KIF6: variants seen among roughly 807,000 people sequenced by gnomAD.
KIF6 encodes kinesin family member 6, also known as kinesin-like protein KIF6.
In KIF6, 106 loss-of-function variants were observed where a neutral mutation model predicts 112.7. The observed-to-expected ratio is 0.94, with a 90% CI of 0.80 to 1.11. The LOEUF is 1.11. Ranked by LOEUF, KIF6 falls within the 50% of genes least tolerant of loss-of-function variation. The pLI is 0.00. For synonymous variants in KIF6, 339 were observed against 339.9 expected (o/e 1.00, Z 0.03); for missense variants, 929 against 964.0 (o/e 0.96, Z 0.48).
At chr6:39,478,480 AT>A (rs1774581799) in intron 13 of KIF6, among the ~76,000 whole-genome samples, 1 of 152,198 alleles carries the variant, frequency 6.6e-6, no homozygotes, top group South Asian at 2.1e-4. Flanking sequence ...GCAATTGCAA[AT>A]TGTGCTGCTA....
At chr6:39,606,399 T>C (rs536542587) in intron 6 of KIF6, among the ~76,000 whole-genome samples, 1 of 152,126 alleles carries the variant, frequency 6.6e-6, no homozygotes, top group Non-Finnish European at 1.5e-5. Flanking sequence ...TTCAGATGTA[T>C]GTTCCTTAGC....
chr6:39,385,418 G>A (rs1767328741), intron 16 of KIF6, among the ~76,000 whole-genome samples: 1 of 152,138 alleles, frequency 6.6e-6, no homozygotes, highest in Admixed American at 6.6e-5. Flanking sequence ...GGGTGCTGAT[G>A]GCCAGGCGCA....
chr6:39,425,123 G>A (rs1770670699), intron 14 of KIF6, among the ~76,000 whole-genome samples: 3 of 152,274 alleles, frequency 2.0e-5, no homozygotes, highest in East Asian at 1.9e-4. Flanking sequence ...GCTGGTGTTC[G>A]TTCAGCAGCC....
intron 13 of KIF6, among the ~76,000 whole-genome samples, chr6:39,434,160 G>A (rs2150385903): frequency 6.6e-6 from 1 of 152,210 alleles, no homozygotes; most frequent in South Asian, 2.1e-4. Flanking sequence ...CTCTCAAGAA[G>A]TATTTATTTA....
At chr6:39,640,788 C>T (rs1480979612) in intron 3 of KIF6, among the ~76,000 whole-genome samples, 2 of 152,088 alleles carry the variant, frequency 1.3e-5, no homozygotes, top group African/African-American at 4.8e-5. Flanking sequence ...CTTATGACCA[C>T]CTTATGCAAC....
chr6:39,533,090 G>C (rs1471055898), intron 13 of KIF6, among the ~76,000 whole-genome samples: 1 of 152,254 alleles, frequency 6.6e-6, no homozygotes, highest in Non-Finnish European at 1.5e-5. Flanking sequence ...CGACGCAGAA[G>C]ACGGGTGATT....
chr6:39,404,743 T>C (rs1258803687), intron 15 of KIF6, among the ~76,000 whole-genome samples: 1 of 152,188 alleles, frequency 6.6e-6, no homozygotes. Flanking sequence ...GCATTACATT[T>C]AAAGGTCAGT....
At chr6:39,653,548 T>G (rs1006963943) in intron 3 of KIF6, among the ~76,000 whole-genome samples, 1 of 152,208 alleles carries the variant, frequency 6.6e-6, no homozygotes, top group Non-Finnish European at 1.5e-5. Context: ...TTCCTCAATT[T>G]CCTTTGATGC....
intron 5 of KIF6, among the ~76,000 whole-genome samples, chr6:39,622,221 C>G (rs1426435185): frequency 2.0e-5 from 3 of 150,546 alleles, no homozygotes; most frequent in African/African-American, 7.3e-5. Context: ...GTTTTTTAAC[C>G]GTTATATTGT....
chr6:39,471,216 T>A (rs574464065), intron 13 of KIF6, among the ~76,000 whole-genome samples: 1 of 152,188 alleles, frequency 6.6e-6, no homozygotes, highest in South Asian at 2.1e-4. Flanking sequence ...CTCTAGCACA[T>A]GGGCCCACCT....
chr6:39,697,168 G>A (rs180686950), intron 3 of KIF6, among the ~76,000 whole-genome samples: 52 of 152,184 alleles, frequency 3.4e-4, no homozygotes, highest in African/African-American at 1.2e-3. Context: ...GTCCTTTGGT[G>A]AAACCTCTCC....
chr6:39,635,350 C>T (rs555226214), intron 4 of KIF6, among the ~76,000 whole-genome samples: 5 of 152,092 alleles, frequency 3.3e-5, no homozygotes, highest in Non-Finnish European at 5.9e-5. Context: ...AAAAAGAACA[C>T]AGATCATTAC....
At chr6:39,721,431 A>C (rs975879896) in intron 1 of KIF6, among the ~76,000 whole-genome samples, 1 of 152,170 alleles carries the variant, frequency 6.6e-6, no homozygotes, top group Non-Finnish European at 1.5e-5. Context: ...CCTGGGAGAA[A>C]TCCTTAAGCC....
intron 14 of KIF6, among the ~76,000 whole-genome samples, chr6:39,429,806 G>T (rs1039507377): frequency 9.9e-5 from 15 of 152,202 alleles, no homozygotes; most frequent in Admixed American, 1.3e-4. Flanking sequence ...TACTTGGGAG[G>T]CTGAGGCAGG....
At chr6:39,677,569 A>T (rs1187613416) in intron 3 of KIF6, among the ~76,000 whole-genome samples, 1 of 148,704 alleles carries the variant, frequency 6.7e-6, no homozygotes, top group Non-Finnish European at 1.5e-5. Flanking sequence ...TTTAGGGTAC[A>T]TGTGCACATT....
intron 13 of KIF6, among the ~76,000 whole-genome samples, chr6:39,469,735 G>A (rs771655964): frequency 1.3e-5 from 2 of 152,120 alleles, no homozygotes; most frequent in East Asian, 3.9e-4. Context: ...GATGATAAAA[G>A]CATCAATCAA....
At chr6:39,346,092 C>G (rs1190687759) in intron 20 of KIF6, among the ~76,000 whole-genome samples, 1 of 48,102 alleles carries the variant, frequency 2.1e-5, no homozygotes, top group Non-Finnish European at 3.8e-5. Context: ...CTCTCCCCCC[C>G]CTCTCCCTCC....
intron 6 of KIF6, among the ~76,000 whole-genome samples, chr6:39,599,294 A>T (rs1782452902): frequency 6.6e-6 from 1 of 152,262 alleles, no homozygotes. Context: ...GCAAAATGAG[A>T]TTTAAACAAA....
At chr6:39,611,278 C>T (rs1478913421) in intron 6 of KIF6, among the ~76,000 whole-genome samples, 2 of 152,068 alleles carry the variant, frequency 1.3e-5, no homozygotes, top group Non-Finnish European at 2.9e-5. Flanking sequence ...CATGGCACTC[C>T]AGCTTAGGCA....
Sources: gnomAD v4.1 joint callset for allele counts (sites outside exome capture counted in the v4.1 genomes callset) on GRCh38, gnomAD v4.1.1 for gene constraint, MANE v1.5 for transcripts, NCBI Gene and HGNC (gene_info 2026-07-23, HGNC 2026-07-21) for gene names.